The following ITGA7 variants were observed in gnomAD, a reference collection of about 807,000 sequenced individuals.
ITGA7 encodes integrin subunit alpha 7, also known as integrin alpha-7.
Under a neutral mutation model 131.6 loss-of-function variants are expected in ITGA7, and 84 were observed. The observed-to-expected ratio is 0.64, with a 90% CI of 0.54 to 0.77. The LOEUF (loss-of-function observed/expected upper bound fraction) is 0.77. Ranked by LOEUF, ITGA7 falls within the 30% of genes least tolerant of loss-of-function variation. The pLI, the probability that ITGA7 is intolerant of heterozygous loss-of-function variation, is 0.00. For synonymous variants in ITGA7, 548 were observed against 600.7 expected (o/e 0.91, Z 1.28); for missense variants, 1,399 against 1,482.9 (o/e 0.94, Z 0.93).
chr12:55,696,274 C>G lies in ITGA7; in HGVS notation c.1887+9G>C. Reference sequence around the variant, plus strand: ...CCTCCCCCTGGGCTAAACCAGAACCCATGCTCACCTCTGCCCGCTGGGTGC... The same window carrying G: ...CCTCCCCCTGGGCTAAACCAGAACCGATGCTCACCTCTGCCCGCTGGGTGC... On this transcript the variant is annotated intron_variant, in intron 13 of 24. Transcript: ENST00000257879. 6.4e-7 allele frequency: 1 copy of G among 1,562,888 alleles called. No individual in the cohort carries two copies. The highest frequency in any genetic ancestry group is 1.4e-5 in the African/African-American group (1 of 74,014).
Position 55,701,018 on chromosome 12 carries a change from C to T in ITGA7, c.551G>A (p.Cys184Tyr), listed in dbSNP as rs767094285. The T allele has an allele frequency of 6.2e-7, 1 of 1,614,240 alleles. No homozygotes were observed. Among genetic ancestry groups the T allele is most frequent in the East Asian group, 2.2e-5 (1 of 44,884 alleles). Residue 184 changes from cysteine to tyrosine, a missense_variant, in exon 4 of 25, where the codon TGT becomes TAT. Physicochemically the swap from Cys to Tyr is radical, Grantham distance 194. Coordinates refer to ENST00000257879, the MANE Select transcript of ITGA7 (RefSeq NM_002206.3). ...TTCATGGCCTTGGGGGCGTCCCTCA[C>T]AGAACTTCCATTCCCCACCATCCAA... The part of the protein sequence containing the change: ...DELDGGEWKF[C>Y]EGRPQGHEQF...
At chr12:55,685,440 A>C in intron 24 of ITGA7, 152 bp from the exon 25 acceptor site, 1 of 743,378 alleles carries the variant, frequency 1.3e-6, no homozygotes, top group Non-Finnish European at 2.3e-6. Context: ...GGCAGCACCC[A>C]CGGTGCTCCC....
In ITGA7 at chr12:55,698,796, G is replaced by A; in HGVS notation, c.912C>T (p.Arg304=). ...VVILRKDSAS[R]LVPEVMLSGE... ...CAGACAGCATAACCTCGGGCACCAG[G>A]CGACTGGCGCTGTCCTTGCGCAGGA... Residue 304 remains arginine (R), a synonymous_variant, in exon 6 of 25, where the codon CGC becomes CGT. Transcript: ENST00000257879. 1 of 1,614,134 alleles carries A rather than the reference G, an allele frequency of 6.2e-7. No homozygotes were observed.
Position 55,698,846 on chromosome 12 carries a change from C to T in ITGA7, c.862G>A (p.Ala288Thr), listed in dbSNP as rs771929107. ...ELSFVAGAPR[A>T]NHKGAVVILR... ...ATGACCACAGCACCCTTGTGGTTGG[C>T]GCGGGGGGCTCCAGCCACAAAGCTC... The change falls in exon 6 of 25, where the codon GCC becomes ACC. Residue 288 changes from alanine to threonine, a missense_variant. Physicochemically the swap from Ala to Thr is moderately conservative, Grantham distance 58 (BLOSUM62 0). Transcript: ENST00000257879. 1.4e-5 allele frequency: 23 copies of T among 1,613,434 alleles called. No individual in the cohort carries two copies. The East Asian group carries it at 2.7e-4, about 19-fold the overall frequency.
intron 5 of ITGA7, 62 bp downstream of exon 5, chr12:55,699,808 C>G: frequency 6.4e-7 from 1 of 1,561,304 alleles, no homozygotes; most frequent in Non-Finnish European, 8.7e-7. Flanking sequence ...GGTCGAGTTC[C>G]CTGGGGAAGG....
chr12:55,686,223 A>C, intron 24 of ITGA7: 1 of 1,350,510 alleles, frequency 7.4e-7, no homozygotes, highest in Non-Finnish European at 9.8e-7. Flanking sequence ...TGGACCCCCA[A>C]CTTCCATGGC....
chr12:55,702,725 C>T, intron 3 of ITGA7, 147 bp downstream of exon 3: 2 of 724,704 alleles, frequency 2.8e-6, no homozygotes, highest in South Asian at 3.0e-5. Flanking sequence ...CCATGTCTCA[C>T]ACCTTTTTAT....
chr12:55,711,986 G>T, upstream of ITGA7: 1 of 1,168,070 alleles, frequency 8.6e-7, no homozygotes, highest in Non-Finnish European at 1.3e-6. Context: ...TGGCAACAGA[G>T]CCTTGGAGCT....
At chr12:55,710,357 A>G (rs1222905181), upstream of ITGA7, among the ~76,000 whole-genome samples, 1 of 149,886 alleles carries the variant, frequency 6.7e-6, no homozygotes, top group African/African-American at 2.5e-5. Flanking sequence ...ACTCCACATC[A>G]GAAAAAAAGA....
In ITGA7 at chr12:55,694,607, G is replaced by C. The variant is rs769176693; in HGVS notation, c.2277+8C>G. Reference sequence around the variant, plus strand: ...TACTCACGTAGGGATAAGGGCAGATGTGCCAACCTGGGCACCTCTCTTCAT... The same window carrying C: ...TACTCACGTAGGGATAAGGGCAGATCTGCCAACCTGGGCACCTCTCTTCAT... On this transcript the variant is annotated splice_region_variant and intron_variant, in intron 16 of 24. Transcript: ENST00000257879. This position sits in a 1 kb window ranked among gnomAD's most constrained non-coding sequence, Gnocchi z 5.3. 11 of 1,614,040 alleles carry C rather than the reference G, an allele frequency of 6.8e-6. No homozygotes were observed. The East Asian group carries it at 2.5e-4, about 36-fold the overall frequency.
At chr12:55,705,306 T>C (rs529853716) in intron 1 of ITGA7, among the ~76,000 whole-genome samples, 1 of 150,354 alleles carries the variant, frequency 6.7e-6, no homozygotes, top group Admixed American at 6.7e-5. Flanking sequence ...CCTGGCTTCA[T>C]GCCATACGCC....
chr12:55,700,325 C>T (rs749657662), intron 4 of ITGA7: 2 of 1,610,560 alleles, frequency 1.2e-6, no homozygotes, highest in South Asian at 1.1e-5. Context: ...CCCCCCGCCT[C>T]GTAGGGACCG....
intron 1 of ITGA7, among the ~76,000 whole-genome samples, chr12:55,704,004 G>A (rs1045345910): frequency 3.9e-5 from 6 of 152,240 alleles, no homozygotes; most frequent in South Asian, 2.1e-4. Flanking sequence ...CAGCCAAGCC[G>A]TCTTCCCCAG....
chr12:55,708,836 T>C (rs979067777), upstream of ITGA7, among the ~76,000 whole-genome samples: 3 of 152,154 alleles, frequency 2.0e-5, no homozygotes, highest in African/African-American at 7.2e-5. Context: ...CAGCAGGACC[T>C]GGGTGGGGCT....
intron 13 of ITGA7, 82 bp downstream of exon 13, chr12:55,696,201 G>T: frequency 7.0e-7 from 1 of 1,424,828 alleles, no homozygotes; most frequent in Non-Finnish European, 9.6e-7. Context: ...TCTGTGAGCT[G>T]TGAATTGGTG....
upstream of ITGA7, among the ~76,000 whole-genome samples, chr12:55,708,405 T>C (rs1592500687): frequency 6.7e-6 from 1 of 149,116 alleles, no homozygotes; most frequent in Non-Finnish European, 1.5e-5. Context: ...ACCGCTGCCC[T>C]CCCCCATCCT....
chr12:55,712,653 A>G (rs570980673), upstream of ITGA7, among the ~76,000 whole-genome samples: 25 of 152,374 alleles, frequency 1.6e-4, no homozygotes, highest in African/African-American at 4.3e-4. Context: ...GTCATTCTCC[A>G]GATAGATATG....
chr12:55,702,776 T>C, intron 3 of ITGA7, 96 bp downstream of exon 3: 2 of 1,029,032 alleles, frequency 1.9e-6, no homozygotes, highest in Non-Finnish European at 3.0e-6. Context: ...ATTCCTAACT[T>C]GTGTTCTCTA....
rs1872106127 is a variant in ITGA7, at chr12:55,694,205, A to G, written c.2432+51T>C. On this transcript the variant is annotated intron_variant, in intron 18 of 24. Transcript: ENST00000257879. This position sits in a 1 kb window ranked among gnomAD's most constrained non-coding sequence, Gnocchi z 5.3. ...GCAGGGCCCTGGCCAAGGTTTGGAA[A>G]TGTCAATGCCCCCTCCCTCCAATGG... 2 of 1,612,680 alleles carry G rather than the reference A, an allele frequency of 1.2e-6. No individual in the cohort carries two copies. Among genetic ancestry groups the G allele is most frequent in the South Asian group, 2.2e-5 (2 of 91,048 alleles).
Sources: gnomAD v4.1 joint callset for allele counts (sites outside exome capture counted in the v4.1 genomes callset) on GRCh38, gnomAD v4.1.1 for gene constraint, Gnocchi (gnomAD v3.1) non-coding constraint, MANE v1.5 for transcripts, NCBI Gene and HGNC (gene_info 2026-07-23, HGNC 2026-07-21) for gene names.